Variants in UBR4 observed in about 807,000 individuals in gnomAD.
The protein encoded by UBR4 is E3 ubiquitin-protein ligase UBR4.
A neutral mutation model predicts 575.6 loss-of-function variants in UBR4; 124 were observed. The observed-to-expected ratio is 0.22, with a 90% CI of 0.19 to 0.25. The LOEUF (loss-of-function observed/expected upper bound fraction) is 0.25, where lower values mean the gene tolerates loss of function less well. UBR4 is among the 10% of genes least tolerant of loss of function. UBR4 has a pLI of 1.00. For missense variants in UBR4, 4,818 were observed against 6,478.8 expected (o/e 0.74, Z 8.80); for synonymous variants, 2,455 against 2,473.7 (o/e 0.99, Z 0.22).
intron 38 of UBR4, 124 bp downstream of exon 38, chr1:19,160,793 C>T (rs2087215013): frequency 2.2e-6 from 2 of 912,252 alleles, no homozygotes; most frequent in Non-Finnish European, 3.4e-6. Flanking sequence ...TTTGCATTCA[C>T]ACTATGAAAA....
At position 19,075,104 on chromosome 1, in the gene UBR4, G is replaced by A. The variant is rs1171385069; in HGVS notation, c.15488-208C>T. ...GAGTCCTGTTCCAGAAGCAGGCACT[G>A]CTGGAAGGTGTTTTTGTTCTCACAT... On this transcript the variant is annotated intron_variant, in intron 105 of 105. Coordinates refer to ENST00000375254, the MANE Select transcript of UBR4 (RefSeq NM_020765.3). The A allele has an allele frequency of 1.3e-5, 8 of 598,432 alleles. No homozygotes were observed. In the Admixed American group the frequency reaches 1.7e-4, roughly 13 times the overall value. The allele number at this position is 598,432 out of a possible 1,614,324, so 37.1% of individuals were successfully genotyped here.
At chr1:19,155,097 T>C in intron 43 of UBR4, 22 bp from the exon 44 acceptor site, 1 of 1,611,758 alleles carries the variant, frequency 6.2e-7, no homozygotes, top group South Asian at 1.1e-5. Context: ...AAGACACATA[T>C]TTGCAGTAAT....
chr1:19,103,793 G>C (rs1428368449), intron 87 of UBR4, among the ~76,000 whole-genome samples: 2 of 152,222 alleles, frequency 1.3e-5, no homozygotes, highest in Non-Finnish European at 2.9e-5. Context: ...GGGGATTAAA[G>C]AGACAATGGC....
Position 19,091,096 on chromosome 1 carries a change from C to CA in UBR4, c.14211+1722dup, listed in dbSNP as rs34082937. On this transcript the variant is annotated intron_variant, in intron 97 of 105. Coordinates refer to ENST00000375254, the MANE Select transcript of UBR4 (RefSeq NM_020765.3). Reference sequence around the variant, plus strand: ...GGGTGACAAGAGCAAAACTTCATCTCAAAAAAAAAAAAAAGAATAAGCCTG... The same window carrying CA: ...GGGTGACAAGAGCAAAACTTCATCTCAAAAAAAAAAAAAAAGAATAAGCCTG... 2.7e-4 allele frequency among the ~76,000 whole-genome samples: 38 copies of CA among 143,356 alleles called. No homozygotes were observed. In the Middle Eastern group the frequency reaches 0.011, roughly 42 times the overall value. The allele number at this position is 143,356 out of a possible 152,430, so 94.0% of individuals were successfully genotyped here. A position where few individuals can be genotyped will look rare whatever the true frequency, so the allele number is the denominator to read the frequency against.
Position 19,129,027 on chromosome 1 carries a change from AG to A in UBR4, c.8953del (p.Leu2985CysfsTer20). 1 of 1,614,128 alleles carries A rather than the reference AG, an allele frequency of 6.2e-7. No homozygotes were observed. Among genetic ancestry groups the A allele is most frequent in the Non-Finnish European group, 8.5e-7 (1 of 1,180,008 alleles). On this transcript the variant is annotated frameshift_variant, in exon 61 of 106. Coordinates refer to ENST00000375254, the MANE Select transcript of UBR4 (RefSeq NM_020765.3). LOFTEE classifies it high-confidence loss of function. Reference sequence around the variant, plus strand: ...ACCGCCAACGTTTCGTAATTGAGGCAGGGTCTGCAGTAATCTCTCCAACAGC... The same window carrying A: ...ACCGCCAACGTTTCGTAATTGAGGCAGGTCTGCAGTAATCTCTCCAACAGC... ...LMLLERLLQT[L>X]PQLRNVGGVR...
intron 61 of UBR4, 129 bp from the exon 62 acceptor site, chr1:19,128,447 C>T (rs2082057264): frequency 1.3e-6 from 1 of 768,810 alleles, no homozygotes. Context: ...TCCATTATAG[C>T]GTTCTAAATT....
At chr1:19,187,027 T>G in intron 13 of UBR4, 137 bp downstream of exon 13, 1 of 684,634 alleles carries the variant, frequency 1.5e-6, no homozygotes, top group Non-Finnish European at 1.9e-6. Context: ...AAACTTTGGG[T>G]CTATAAAGGT....
Position 19,164,984 on chromosome 1 carries a change from A to T in UBR4, c.4326T>A (p.Pro1442=). The change falls in exon 32 of 106, where the codon CCT becomes CCA. Residue 1442 remains proline, a synonymous_variant. Transcript: ENST00000375254. ...CACAGAGATGCAACAGGCTCGGGTT[A>T]GGGCTCTTCTCAGCTAGGAGCAGAA... The part of the protein sequence containing the change: ...TKLFQLTEKS[P]NPSLLHLCGS... 6.2e-7 allele frequency: 1 copy of T among 1,614,008 alleles called. No individual in the cohort carries two copies. Among genetic ancestry groups the T allele is most frequent in the South Asian group, 1.1e-5 (1 of 91,064 alleles).
chr1:19,202,774 A>G (rs2092805463), intron 1 of UBR4, among the ~76,000 whole-genome samples: 1 of 152,198 alleles, frequency 6.6e-6, no homozygotes, highest in Non-Finnish European at 1.5e-5. Context: ...CTAATCCACA[A>G]TTGATGAAAC....
intron 18 of UBR4, among the ~76,000 whole-genome samples, chr1:19,177,968 A>C (rs1044072205): frequency 1.3e-5 from 2 of 152,102 alleles, no homozygotes; most frequent in Non-Finnish European, 1.5e-5. Flanking sequence ...TAATCCTAAC[A>C]CTTTGGGAGG....
At position 19,122,917 on chromosome 1, in the gene UBR4, T is replaced by C. The variant is rs1160634137; in HGVS notation, c.9732A>G (p.Leu3244=). 1.9e-6 allele frequency: 3 copies of C among 1,614,240 alleles called. No homozygotes were observed. The highest frequency in any genetic ancestry group is 1.7e-6 in the Non-Finnish European group (2 of 1,180,040). The part of the protein sequence containing the change: ...DSHVRGIKKL[L]EEQGIFLRAS... ...CCCGGAGGAATATCCCCTGCTCTTC[T>C]AGCAGCTTCTTGATCCCACGCACGT... The change falls in exon 66 of 106, where the codon CTA becomes CTG. Residue 3244 remains leucine (L), a synonymous_variant. Coordinates refer to ENST00000375254, the MANE Select transcript of UBR4 (RefSeq NM_020765.3).
chr1:19,169,385 C>T, intron 27 of UBR4, 50 bp downstream of exon 27: 4 of 1,516,280 alleles, frequency 2.6e-6, no homozygotes, highest in Non-Finnish European at 3.6e-6. Context: ...GAACAAAAGA[C>T]AGAATGGCTA....
In UBR4 at chr1:19,093,927, A is replaced by G. The variant is rs1354968732; in HGVS notation, c.13937+22T>C. ...TTTTAGTGGAGACTCTCATTTCACTATATGAAATCAAAGTAACATACTTAT... is the reference window on the plus strand; with the variant it reads ...TTTTAGTGGAGACTCTCATTTCACTGTATGAAATCAAAGTAACATACTTAT... On this transcript the variant is annotated intron_variant, in intron 95 of 105. Transcript: ENST00000375254. The surrounding 1 kb of genome is among the most constrained non-coding windows in gnomAD (Gnocchi z 4.8). The G allele has an allele frequency of 1.2e-6, 2 of 1,601,442 alleles. No homozygotes were observed. The highest frequency in any genetic ancestry group is 2.7e-5 in the African/African-American group (2 of 74,632).
In UBR4 at chr1:19,139,654, A is replaced by C. The variant is rs1255342836; in HGVS notation, c.8594-434T>G. Among the ~76,000 whole-genome samples, 2 of 152,106 alleles carry C rather than the reference A, an allele frequency of 1.3e-5. No individual in the cohort carries two copies. Among genetic ancestry groups the C allele is most frequent in the Non-Finnish European group, 2.9e-5 (2 of 68,022 alleles). On this transcript the variant is annotated intron_variant, in intron 58 of 105. Coordinates refer to ENST00000375254, the MANE Select transcript of UBR4 (RefSeq NM_020765.3). The surrounding 1 kb of genome is among the most constrained non-coding windows in gnomAD (Gnocchi z 4.2). ...TAGCCATTACCATTCAAAGCATAGAACTCTGAATTTTAATGAGACTTGTTT... is the reference window on the plus strand; with the variant it reads ...TAGCCATTACCATTCAAAGCATAGACCTCTGAATTTTAATGAGACTTGTTT...
intron 25 of UBR4, 35 bp downstream of exon 25, chr1:19,172,829 T>A (rs770643373): frequency 1.9e-6 from 3 of 1,573,540 alleles, no homozygotes; most frequent in Non-Finnish European, 2.6e-6. Flanking sequence ...GAGTGAAGAG[T>A]GCATGTGCAT....
At chr1:19,082,796 A>C (rs1311884407) in intron 102 of UBR4, among the ~76,000 whole-genome samples, 1 of 152,146 alleles carries the variant, frequency 6.6e-6, no homozygotes, top group Non-Finnish European at 1.5e-5. Context: ...CCCTGTAGGG[A>C]ATCTGAGGCT....
At chr1:19,124,798 G>T (rs567019428) in intron 64 of UBR4, 108 bp from the exon 65 acceptor site, 223 of 1,436,172 alleles carry the variant, frequency 1.6e-4, no homozygotes, top group Non-Finnish European at 1.9e-4. Context: ...GGTGGTAAAG[G>T]GTGCCTTTCA....
chr1:19,138,818 T>A (rs1412602482), intron 59 of UBR4, among the ~76,000 whole-genome samples: 2 of 152,146 alleles, frequency 1.3e-5, no homozygotes, highest in East Asian at 3.8e-4. Flanking sequence ...CTTACGCATG[T>A]CATTGCTTTT....
At chr1:19,091,093 T>C (rs1042052375) in intron 97 of UBR4, among the ~76,000 whole-genome samples, 17 of 80,790 alleles carry the variant, frequency 2.1e-4, no homozygotes, top group Non-Finnish European at 2.8e-4. Flanking sequence ...CAAAACTTCA[T>C]CTCAAAAAAA....
Sources: gnomAD v4.1 joint callset for allele counts (sites outside exome capture counted in the v4.1 genomes callset) on GRCh38, gnomAD v4.1.1 for gene constraint, Gnocchi (gnomAD v3.1) non-coding constraint, MANE v1.5 for transcripts, NCBI Gene and HGNC (gene_info 2026-07-23, HGNC 2026-07-21) for gene names.